The following ODAD2 variants were observed in gnomAD, a reference collection of about 807,000 sequenced individuals.
ODAD2 encodes the protein outer dynein arm-docking complex subunit 2.
Under a neutral mutation model 106.8 loss-of-function variants are expected in ODAD2, and 89 were observed. That is an observed-to-expected ratio of 0.83 (90% CI 0.70 to 0.99). ODAD2 has a LOEUF of 0.99. Ranked by LOEUF, ODAD2 falls within the 50% of genes least tolerant of loss-of-function variation. The pLI, the probability that ODAD2 is intolerant of heterozygous loss-of-function variation, is 0.00. For missense variants in ODAD2, 1,168 were observed against 1,238.5 expected, an observed-to-expected ratio of 0.94 and a Z score of 0.85; for synonymous variants, 404 against 436.2, an observed-to-expected ratio of 0.93 and a Z score of 0.92.
At chr10:27,862,392 T>C in intron 18 of ODAD2, 42 bp downstream of exon 18, 1 of 1,506,340 alleles carries the variant, frequency 6.6e-7, no homozygotes, top group African/African-American at 1.4e-5. Context: ...CCATGATATC[T>C]CAGGACAATA....
At chr10:27,863,332 C>T (rs907555057) in intron 17 of ODAD2, among the ~76,000 whole-genome samples, 1 of 152,110 alleles carries the variant, frequency 6.6e-6, no homozygotes, top group Non-Finnish European at 1.5e-5. Flanking sequence ...AAAATTATGG[C>T]ACTAAATGGA....
At chr10:27,940,036 G>A in intron 13 of ODAD2, 29 bp from the exon 14 acceptor site, 1 of 1,448,386 alleles carries the variant, frequency 6.9e-7, no homozygotes, top group Non-Finnish European at 9.5e-7. Context: ...ATATTTATGT[G>A]TTCAAGACGT....
rs140992303 is a variant in ODAD2 at position 27,845,038 on chromosome 10, C to T, written c.3021+15587G>A. ...CAGCTGAATCAGCAAGGCAGGCCAA[C>T]ATTCAAATTCAGGAAATACAGAGAA... On this transcript the variant is annotated intron_variant, in intron 19 of 19. Transcript: ENST00000305242. Among the ~76,000 whole-genome samples, 14 of 152,276 alleles carry T rather than the reference C, an allele frequency of 9.2e-5. 1 individual carries two copies. In the East Asian group the frequency reaches 2.5e-3, roughly 27 times the overall value.
At chr10:27,844,415 A>G (rs1838555388) in intron 19 of ODAD2, among the ~76,000 whole-genome samples, 1 of 152,170 alleles carries the variant, frequency 6.6e-6, no homozygotes, top group African/African-American at 2.4e-5. Context: ...GCTCTAGCCT[A>G]TAAAGCAGAG....
Position 27,871,033 on chromosome 10 carries a change from T to C in ODAD2, c.2611-8411A>G, listed in dbSNP as rs1021549812. 5.9e-5 allele frequency among the ~76,000 whole-genome samples: 9 copies of C among 152,240 alleles called. No individual in the cohort carries two copies. The East Asian group carries it at 1.7e-3, about 29-fold the overall frequency. ...CAGCATCTGTTGTTTCCTGACTTTT[T>C]AATGATCGACATTCTAACTGGTGTG... is the stretch of plus-strand genomic sequence containing the variant. On this transcript the variant is annotated intron_variant, in intron 17 of 19. Coordinates refer to ENST00000305242, the MANE Select transcript of ODAD2 (RefSeq NM_018076.5).
chr10:27,857,455 C>T (rs1564433634), intron 19 of ODAD2, among the ~76,000 whole-genome samples: 1 of 152,118 alleles, frequency 6.6e-6, no homozygotes, highest in Non-Finnish European at 1.5e-5. Context: ...CCCCTAACTC[C>T]TGCATTGTTC....
intron 19 of ODAD2, among the ~76,000 whole-genome samples, chr10:27,830,326 T>C (rs1837379059): frequency 1.3e-5 from 2 of 152,184 alleles, no homozygotes; most frequent in South Asian, 4.1e-4. Flanking sequence ...GCACTTACTC[T>C]TCTAACAATT....
chr10:27,820,976 T>C (rs1836564928), intron 19 of ODAD2, among the ~76,000 whole-genome samples: 1 of 152,012 alleles, frequency 6.6e-6, no homozygotes, highest in African/African-American at 2.4e-5. Context: ...GACAGGGTTT[T>C]ACCATGTTGG....
chr10:27,977,052 A>G (rs1282236143), intron 7 of ODAD2, among the ~76,000 whole-genome samples: 2 of 152,180 alleles, frequency 1.3e-5, no homozygotes, highest in African/African-American at 4.8e-5. Context: ...AAAAAAATGA[A>G]CTTTGATCCA....
intron 17 of ODAD2, among the ~76,000 whole-genome samples, chr10:27,904,702 T>A (rs999965491): frequency 5.9e-5 from 9 of 152,240 alleles, no homozygotes; most frequent in Non-Finnish European, 1.0e-4. Context: ...TAGCCCATTT[T>A]GTGCCAGTTT....
chr10:27,824,613 G>A (rs921945007), intron 19 of ODAD2, among the ~76,000 whole-genome samples: 3 of 152,154 alleles, frequency 2.0e-5, no homozygotes, highest in African/African-American at 7.2e-5. Flanking sequence ...CCACAGGTAA[G>A]CAAAGACATG....
chr10:27,848,099 A>G (rs1289349191), intron 19 of ODAD2, among the ~76,000 whole-genome samples: 1 of 152,234 alleles, frequency 6.6e-6, no homozygotes, highest in Non-Finnish European at 1.5e-5. Context: ...ACCAAAAAAG[A>G]GCCCACATTG....
At chr10:27,813,537 TA>T (rs1835902606) in intron 19 of ODAD2, 1 of 152,210 alleles carries the variant, frequency 6.6e-6, no homozygotes, top group Non-Finnish European at 1.5e-5. Flanking sequence ...ATAATCCTGG[TA>T]AAAGATTTTT....
At chr10:27,932,704 C>T (rs1207593178) in intron 16 of ODAD2, among the ~76,000 whole-genome samples, 1 of 152,118 alleles carries the variant, frequency 6.6e-6, no homozygotes, top group African/African-American at 2.4e-5. Flanking sequence ...TTATCCTCCC[C>T]GAGTCTACAT....
chr10:27,951,278 G>A (rs568930040), intron 10 of ODAD2, among the ~76,000 whole-genome samples: 66 of 152,252 alleles, frequency 4.3e-4, no homozygotes, highest in African/African-American at 1.5e-3. Flanking sequence ...TCATTCTAAA[G>A]ATGATCTAGA....
At chr10:27,978,622 A>G (rs1318196378) in intron 7 of ODAD2, among the ~76,000 whole-genome samples, 6 of 151,762 alleles carry the variant, frequency 4.0e-5, no homozygotes, top group Non-Finnish European at 7.4e-5. Context: ...GGAAAACCCC[A>G]TCTCTACTAA....
At chr10:27,840,205 G>T (rs1838206649) in intron 19 of ODAD2, among the ~76,000 whole-genome samples, 1 of 151,814 alleles carries the variant, frequency 6.6e-6, no homozygotes, top group African/African-American at 2.4e-5. Context: ...TATTTTTATT[G>T]ATCTATTTGT....
chr10:27,961,417 A>G (rs748466863), intron 10 of ODAD2, 151 bp downstream of exon 10: 127 of 721,794 alleles, frequency 1.8e-4, no homozygotes, highest in Non-Finnish European at 2.5e-4. Context: ...GGGTAATAAG[A>G]CCTTGCCCTG....
chr10:27,992,605 C>T (rs987562639), intron 2 of ODAD2, among the ~76,000 whole-genome samples: 1 of 152,102 alleles, frequency 6.6e-6, no homozygotes, highest in African/African-American at 2.4e-5. Context: ...TGGGAGGATC[C>T]ATGGAGCCCA....
Sources: gnomAD v4.1 joint callset for allele counts (sites outside exome capture counted in the v4.1 genomes callset) on GRCh38, gnomAD v4.1.1 for gene constraint, MANE v1.5 for transcripts, NCBI Gene and HGNC (gene_info 2026-07-23, HGNC 2026-07-21) for gene names.